BNIP5: variants seen among roughly 807,000 people sequenced by gnomAD.
BNIP5 encodes the protein protein BNIP5.
BNIP5 carries 61 observed loss-of-function variants against 67.3 expected under a neutral mutation model. The observed-to-expected ratio is 0.91, with a 90% confidence interval of 0.74 to 1.12. BNIP5 has a LOEUF of 1.12. Ranked by LOEUF, BNIP5 falls within the 50% of genes most tolerant of loss-of-function variation. The pLI, the probability that BNIP5 is intolerant of heterozygous loss-of-function variation, is 0.00. For synonymous variants in BNIP5, 317 were observed against 319.0 expected (o/e 0.99, Z 0.07); for missense variants, 826 against 816.3 (o/e 1.01, Z -0.14).
intron 3 of BNIP5, among the ~76,000 whole-genome samples, chr6:36,327,663 C>A (rs1271438641): frequency 1.3e-5 from 2 of 152,104 alleles, no homozygotes; most frequent in Non-Finnish European, 1.5e-5. Flanking sequence ...CTCAGCCACA[C>A]CCCCATGTCT....
Position 36,323,467 on chromosome 6 carries a change from G to C in BNIP5, c.1297C>G (p.Gln433Glu), listed in dbSNP as rs1219797403. Residue 433 changes from glutamine to glutamate, a missense_variant, in exon 8 of 12, where the codon CAA (glutamine) becomes GAA (glutamate). By Grantham distance (29) the Gln-to-Glu change is conservative. Transcript: ENST00000437635. ...CTCCTGAAGCTCGACCTTTTTTCTTGAGATTTCCTTCTGCAGTGTGGGGCC... is the reference window on the plus strand; with the variant it reads ...CTCCTGAAGCTCGACCTTTTTTCTTCAGATTTCCTTCTGCAGTGTGGGGCC... ...NPAPHCRRKSQEKRSSFRRAF... is the reference protein window; with the variant it reads ...NPAPHCRRKSEEKRSSFRRAF... 1 of 1,614,174 alleles carries C rather than the reference G, an allele frequency of 6.2e-7. No homozygotes were observed. Among genetic ancestry groups the C allele is most frequent in the Admixed American group, 1.7e-5 (1 of 60,026 alleles).
chr6:36,330,643 G>A lies in BNIP5; in HGVS notation c.48C>T (p.Ala16=). ...GGGCCTGCGGCCTGTCCAGAGACCT[G>A]GCTTTCTTCTCCGCCAGGGGCCTCC... ...CPRRPLAEKK[A]RSLDRPQAPG... The change falls in exon 2 of 12, where the codon GCC becomes GCT. Residue 16 remains alanine, a synonymous_variant. Transcript: ENST00000437635. 1.2e-6 allele frequency: 2 copies of A among 1,603,038 alleles called. No homozygotes were observed. The highest frequency in any genetic ancestry group is 1.7e-6 in the Non-Finnish European group (2 of 1,178,406).
At chr6:36,333,979 C>A (rs1250523605) in intron 1 of BNIP5, among the ~76,000 whole-genome samples, 2 of 152,210 alleles carry the variant, frequency 1.3e-5, no homozygotes, top group African/African-American at 4.8e-5. Context: ...TCCATGGGAC[C>A]CATCGCACGG....
rs1310717554 is a variant in BNIP5 at position 36,322,342 on chromosome 6, C to T, written c.1572G>A (p.Gly524=). 6.2e-7 allele frequency: 1 copy of T among 1,614,168 alleles called. No individual in the cohort carries two copies. Among genetic ancestry groups the T allele is most frequent in the Admixed American group, 1.7e-5 (1 of 60,024 alleles). Residue 524 remains glycine (G), a synonymous_variant, in exon 9 of 12, where the codon GGG becomes GGA. Coordinates refer to ENST00000437635, the MANE Select transcript of BNIP5 (RefSeq NM_001010903.5). Reference sequence around the variant, plus strand: ...CACATGCTCCACTCAGCTGAGGTGCCCCTTCTGGCGTGTGGCCTCTAGCCT... The same window carrying T: ...CACATGCTCCACTCAGCTGAGGTGCTCCTTCTGGCGTGTGGCCTCTAGCCT... The part of the protein sequence containing the change: ...PSQARGHTPE[G]APQLSGACES...
chr6:36,323,681 G>C (rs546071865), intron 7 of BNIP5, 148 bp from the exon 8 acceptor site: 1 of 903,156 alleles, frequency 1.1e-6, no homozygotes, highest in South Asian at 1.6e-5. Context: ...TGTGTGGTCT[G>C]GAGGGGGCTG....
intron 3 of BNIP5, among the ~76,000 whole-genome samples, chr6:36,327,295 T>G (rs564792546): frequency 2.0e-5 from 3 of 152,360 alleles, no homozygotes; most frequent in Non-Finnish European, 4.4e-5. Flanking sequence ...TGACACTTTA[T>G]GCAGGAAATT....
Position 36,328,689 on chromosome 6 carries a change from G to T in BNIP5, c.636C>A (p.Ser212=). Residue 212 remains serine (S), a synonymous_variant, in exon 3 of 12, where the codon TCC becomes TCA. Coordinates refer to ENST00000437635, the MANE Select transcript of BNIP5 (RefSeq NM_001010903.5). ...CAGTACCATCCACTTTGATGAGGAA[G>T]GACTGGTGATCAGAATCTTCCCCAC... is the stretch of plus-strand genomic sequence containing the variant. ...RRGGEDSDHQ[S]FLIKVDGTGA... The T allele has an allele frequency of 6.2e-7, 1 of 1,613,618 alleles. No homozygotes were observed. Among genetic ancestry groups the T allele is most frequent in the Non-Finnish European group, 8.5e-7 (1 of 1,179,574 alleles).
chr6:36,321,077 G>A, intron 10 of BNIP5, 78 bp downstream of exon 10: 1 of 891,972 alleles, frequency 1.1e-6, no homozygotes, highest in Non-Finnish European at 1.8e-6. Flanking sequence ...GTTGCCCAGA[G>A]GTGCAGACTT....
intron 6 of BNIP5, among the ~76,000 whole-genome samples, 181 bp from the exon 7 acceptor site, chr6:36,324,371 G>A (rs1333142003): frequency 1.3e-5 from 2 of 150,790 alleles, no homozygotes; most frequent in Non-Finnish European, 3.0e-5. Context: ...TACCAATGAC[G>A]GCCTCTAAAT....
chr6:36,330,233 T>C lies in BNIP5; in HGVS notation c.458A>G (p.Lys153Arg), dbSNP rs750168048. ...GTGACCTTGCTTCTTGCGGCTGGGC[T>C]TCTTGTCGTGGTGGGCTTTCTTCCT... ...ALRKKAHHDK[K>R]PSRKKQGHKK... The change falls in exon 2 of 12, where the codon AAG becomes AGG. Residue 153 changes from lysine (K) to arginine (R), a missense_variant. By Grantham distance (26) the Lys-to-Arg change is conservative. Coordinates refer to ENST00000437635, the MANE Select transcript of BNIP5 (RefSeq NM_001010903.5). 2.5e-6 allele frequency: 4 copies of C among 1,614,134 alleles called. No homozygotes were observed. The South Asian group carries it at 4.4e-5, about 18-fold the overall frequency.
chr6:36,320,872 T>A (rs1446182818), intron 10 of BNIP5, among the ~76,000 whole-genome samples: 1 of 152,186 alleles, frequency 6.6e-6, no homozygotes, highest in South Asian at 2.1e-4. Context: ...CGAACTTCAA[T>A]AGCTGATTTG....
At chr6:36,322,503 A>C in intron 8 of BNIP5, 61 bp from the exon 9 acceptor site, 1 of 1,557,478 alleles carries the variant, frequency 6.4e-7, no homozygotes. Context: ...TCCTGACAAG[A>C]AGCTGTTCGG....
At chr6:36,319,708 C>T in intron 10 of BNIP5, 98 bp from the exon 11 acceptor site, 2 of 1,418,674 alleles carry the variant, frequency 1.4e-6, no homozygotes, top group Admixed American at 2.0e-5. Context: ...CGGGGCACTC[C>T]TTGTCCCTGG....
Position 36,317,325 on chromosome 6 carries a change from T to C in BNIP5, c.*31A>G. ...CTAAAGCTGCGAACCATTTGGCTAG[T>C]TCAAGGGAATTTGAGTGCAAGACAC... is the stretch of plus-strand genomic sequence containing the variant. On this transcript the variant is annotated 3_prime_UTR_variant, in exon 12 of 12. Transcript: ENST00000437635. 6.3e-7 allele frequency: 1 copy of C among 1,597,262 alleles called. No individual in the cohort carries two copies. Among genetic ancestry groups the C allele is most frequent in the Non-Finnish European group, 8.6e-7 (1 of 1,164,566 alleles).
intron 1 of BNIP5, among the ~76,000 whole-genome samples, chr6:36,332,649 G>T (rs1339750300): frequency 6.6e-6 from 1 of 152,080 alleles, no homozygotes; most frequent in Non-Finnish European, 1.5e-5. Flanking sequence ...TTAGAGCAGT[G>T]GGGGCTCTTC....
intron 6 of BNIP5, among the ~76,000 whole-genome samples, 170 bp downstream of exon 6, chr6:36,325,113 C>T (rs954506105): frequency 1.3e-5 from 2 of 152,232 alleles, no homozygotes; most frequent in African/African-American, 4.8e-5. Context: ...AGACAGGCAG[C>T]CTGGCTTGGG....
At chr6:36,333,450 T>A (rs575602574) in intron 1 of BNIP5, among the ~76,000 whole-genome samples, 3 of 152,260 alleles carry the variant, frequency 2.0e-5, no homozygotes, top group South Asian at 4.1e-4. Flanking sequence ...GCCTTATGGT[T>A]GTGTTTCCAA....
chr6:36,322,405 TG>T lies in BNIP5; in HGVS notation c.1508del (p.Ala503GlufsTer7). On this transcript the variant is annotated frameshift_variant, in exon 9 of 12. Transcript: ENST00000437635. LOFTEE classifies it high-confidence loss of function. ...EDLECREPLP[A>X]EGEPVVISEA... ...CTGAGATCACAACTGGCTCCCCTTC[TG>T]CGGGCAGGGGCTCCCGGCACTCGAG... 6.2e-7 allele frequency: 1 copy of T among 1,614,062 alleles called. No individual in the cohort carries two copies.
intron 11 of BNIP5, among the ~76,000 whole-genome samples, chr6:36,318,859 C>A (rs1771573671): frequency 6.6e-6 from 1 of 152,154 alleles, no homozygotes; most frequent in South Asian, 2.1e-4. Flanking sequence ...CATTAAGCAA[C>A]CAAGGCCAGG....
Sources: gnomAD v4.1 joint callset for allele counts (sites outside exome capture counted in the v4.1 genomes callset) on GRCh38, gnomAD v4.1.1 for gene constraint, MANE v1.5 for transcripts, NCBI Gene and HGNC (gene_info 2026-07-23, HGNC 2026-07-21) for gene names.